USP4: variants seen among roughly 807,000 people sequenced by gnomAD.
USP4 encodes ubiquitin specific peptidase 4.
USP4 carries 72 observed loss-of-function variants against 118.2 expected under a neutral mutation model. The ratio of observed to expected loss-of-function variants is 0.61; its 90% CI spans 0.50 to 0.74. USP4 has a LOEUF of 0.74. Ranked by LOEUF, USP4 falls within the 30% of genes least tolerant of loss-of-function variation. The probability of loss-of-function intolerance (pLI) is 0.00; values close to 1 mark genes in which losing one functional copy is unlikely to be tolerated. For missense variants in USP4, 1,037 were observed against 1,185.7 expected (o/e 0.87, Z 1.84); for synonymous variants, 415 against 440.4 (o/e 0.94, Z 0.72).
At chr3:49,316,291 CTTTA>C (rs1212644376) in intron 6 of USP4, among the ~76,000 whole-genome samples, 13 of 145,078 alleles carry the variant, frequency 9.0e-5, no homozygotes, top group Non-Finnish European at 1.0e-4. Flanking sequence ...TTTAATTTAA[CTTTA>C]TTTATTTATT....
At chr3:49,326,706 T>C (rs1244530871) in intron 3 of USP4, among the ~76,000 whole-genome samples, 1 of 85,896 alleles carries the variant, frequency 1.2e-5, no homozygotes, top group Non-Finnish European at 2.4e-5. Context: ...GATCAAAGAC[T>C]CTTTTTTTTT....
rs1004351791 is a variant in USP4, at chr3:49,280,799, A to G, written c.2589T>C (p.Tyr863=). Residue 863 remains tyrosine, a synonymous_variant, in exon 20 of 22, where the codon TAT becomes TAC. Coordinates refer to ENST00000265560, the MANE Select transcript of USP4 (RefSeq NM_003363.4). ...EFVCNLSARP[Y]VYDLIAVSNH... is the part of the protein sequence containing the mutation. ...TGGACACGGCAATGAGGTCGTACAC[A>G]TAAGGCCTTGCTGACAGGTTACAGA... 8 of 1,614,216 alleles carry G rather than the reference A, an allele frequency of 5.0e-6. No homozygotes were observed. Among genetic ancestry groups the G allele is most frequent in the East Asian group, 2.2e-5 (1 of 44,892 alleles).
At chr3:49,321,772 T>A (rs2047505607) in intron 6 of USP4, among the ~76,000 whole-genome samples, 1 of 151,826 alleles carries the variant, frequency 6.6e-6, no homozygotes, top group South Asian at 2.1e-4. Flanking sequence ...GGCAGGCGGA[T>A]CACTTGAGGC....
At chr3:49,337,064 A>C (rs1419036609) in intron 1 of USP4, among the ~76,000 whole-genome samples, 2 of 151,986 alleles carry the variant, frequency 1.3e-5, no homozygotes, top group Non-Finnish European at 2.9e-5. Flanking sequence ...GTGGATGGTC[A>C]CTTGAGCTCA....
In USP4 at chr3:49,286,161, TC is replaced by T. The variant is rs1485676404; in HGVS notation, c.2136del (p.Asn713ThrfsTer8). The T allele has an allele frequency of 1.9e-6, 3 of 1,614,064 alleles. No individual in the cohort carries two copies. Among genetic ancestry groups the T allele is most frequent in the Non-Finnish European group, 2.5e-6 (3 of 1,180,028 alleles). On this transcript the variant is annotated frameshift_variant, in exon 16 of 22. Transcript: ENST00000265560. LOFTEE classifies it high-confidence loss of function. ...CPKRLFTFSL[V>X]NSYGTADINS... ...TTTATGTCAGCTGTTCCATAGGAGT[TC>T]ACAAGACTGAAGGTAAAAAGCCTTT...
At chr3:49,334,591 T>C (rs2047650832) in intron 2 of USP4, among the ~76,000 whole-genome samples, 1 of 151,988 alleles carries the variant, frequency 6.6e-6, no homozygotes, top group Non-Finnish European at 1.5e-5. Context: ...ACCAAAAAAC[T>C]TAAAAAACAG....
In USP4 at chr3:49,278,117, T is replaced by C; in HGVS notation, c.*176A>G. 1.4e-6 allele frequency: 1 copy of C among 705,118 alleles called. No individual in the cohort carries two copies. The highest frequency in any genetic ancestry group is 2.2e-6 in the Non-Finnish European group (1 of 460,040). The allele number at this position is 705,118 out of a possible 1,614,324, so 43.7% of individuals were successfully genotyped here. A position where few individuals can be genotyped will look rare whatever the true frequency, so the allele number is the denominator to read the frequency against. On this transcript the variant is annotated 3_prime_UTR_variant, in exon 22 of 22. Coordinates refer to ENST00000265560, the MANE Select transcript of USP4 (RefSeq NM_003363.4). ...ATAAAAATAATTCAGCCTCTTGACA[T>C]AGCTTCTTCTAGGTAAACGGTCTTC...
intron 19 of USP4, 73 bp downstream of exon 19, chr3:49,283,914 C>A (rs2047065873): frequency 6.3e-7 from 1 of 1,581,526 alleles, no homozygotes; most frequent in African/African-American, 1.4e-5. Flanking sequence ...GGTGGCAAAC[C>A]ACTCAGCCAA....
chr3:49,318,412 G>A, intron 6 of USP4: 1 of 985,502 alleles, frequency 1.0e-6, no homozygotes, highest in Non-Finnish European at 1.2e-6. Flanking sequence ...CTCTGGGCTG[G>A]CAACCTTAAA....
chr3:49,306,531 A>G (rs988897243), intron 8 of USP4, among the ~76,000 whole-genome samples: 22 of 151,684 alleles, frequency 1.5e-4, no homozygotes, highest in Non-Finnish European at 2.8e-4. Flanking sequence ...TCTTAACGCT[A>G]TTAGTTCTCT....
At chr3:49,331,808 C>T (rs2047620277) in intron 2 of USP4, among the ~76,000 whole-genome samples, 2 of 151,920 alleles carry the variant, frequency 1.3e-5, no homozygotes, top group African/African-American at 2.4e-5. Flanking sequence ...TCTGCAGTAT[C>T]CCTTAAGAAG....
At chr3:49,324,582 T>C (rs1575618999) in intron 6 of USP4, 120 bp downstream of exon 6, 1 of 950,300 alleles carries the variant, frequency 1.1e-6, no homozygotes, top group Non-Finnish European at 1.7e-6. Context: ...ACTCTGGATA[T>C]ACAAAATAGG....
At chr3:49,282,746 T>C (rs1355885536) in intron 19 of USP4, among the ~76,000 whole-genome samples, 2 of 151,336 alleles carry the variant, frequency 1.3e-5, no homozygotes. Context: ...CTTGCTCTGT[T>C]GCTGAGGCTG....
chr3:49,288,919 G>A (rs1318564789), intron 15 of USP4, among the ~76,000 whole-genome samples: 1 of 152,128 alleles, frequency 6.6e-6, no homozygotes, highest in Non-Finnish European at 1.5e-5. Flanking sequence ...AGACAAGCCT[G>A]GGAAACATGC....
chr3:49,301,684 T>C (rs1402513968), intron 10 of USP4, among the ~76,000 whole-genome samples: 1 of 151,910 alleles, frequency 6.6e-6, no homozygotes, highest in Non-Finnish European at 1.5e-5. Context: ...TGAGACTCCA[T>C]CTCAAAAAAA....
Position 49,300,448 on chromosome 3 carries a change from A to C in USP4, c.1512+19T>G. Reference sequence around the variant, plus strand: ...ACCACTTGCAGTGAGGGGTGCCATAAGGGTGTGGATTCTGTCACCTGAGTA... The same window carrying C: ...ACCACTTGCAGTGAGGGGTGCCATACGGGTGTGGATTCTGTCACCTGAGTA... On this transcript the variant is annotated intron_variant, in intron 11 of 21. Coordinates refer to ENST00000265560, the MANE Select transcript of USP4 (RefSeq NM_003363.4). The C allele has an allele frequency of 2.5e-6, 4 of 1,609,592 alleles. No homozygotes were observed. The highest frequency in any genetic ancestry group is 3.4e-6 in the Non-Finnish European group (4 of 1,175,904).
At chr3:49,286,809 C>G (rs1253396483) in intron 15 of USP4, among the ~76,000 whole-genome samples, 1 of 133,408 alleles carries the variant, frequency 7.5e-6, no homozygotes, top group Admixed American at 8.1e-5. Context: ...CAGTCTCACT[C>G]TAGCCACTCT....
At chr3:49,328,808 CGA>C (rs1451087688) in intron 2 of USP4, among the ~76,000 whole-genome samples, 7 of 151,678 alleles carry the variant, frequency 4.6e-5, no homozygotes, top group Non-Finnish European at 7.4e-5. Context: ...TGCAGTGAGC[CGA>C]GATACCCCAC....
In USP4 at chr3:49,335,501, G is replaced by T; in HGVS notation, c.197C>A (p.Pro66His). The T allele has an allele frequency of 6.2e-7, 1 of 1,614,194 alleles. No individual in the cohort carries two copies. Among genetic ancestry groups the T allele is most frequent in the Non-Finnish European group, 8.5e-7 (1 of 1,180,050 alleles). The change falls in exon 2 of 22, where the codon CCT becomes CAT. Residue 66 changes from proline to histidine, a missense_variant. Pro to His is a moderately conservative substitution (Grantham distance 77). Transcript: ENST00000265560. ...MYNVGEHNLF[P>H]GPIDNSGLFS... ...TAGCCCAGAGTTGTCTATTGGGCCA[G>T]GAAATAGGTTATGTTCACCCACATT... is the stretch of plus-strand genomic sequence containing the variant.
Sources: gnomAD v4.1 joint callset for allele counts (sites outside exome capture counted in the v4.1 genomes callset) on GRCh38, gnomAD v4.1.1 for gene constraint, MANE v1.5 for transcripts, NCBI Gene and HGNC (gene_info 2026-07-23, HGNC 2026-07-21) for gene names.